The following DLG2 variants were observed in gnomAD, a reference collection of about 807,000 sequenced individuals.
DLG2 encodes the protein disks large homolog 2.
Under a neutral mutation model 132.5 loss-of-function variants are expected in DLG2, and 45 were observed. That is an observed-to-expected ratio of 0.34 (90% CI 0.27 to 0.44). The LOEUF (loss-of-function observed/expected upper bound fraction) is 0.44. DLG2 is among the 20% of genes least tolerant of loss of function. The probability of loss-of-function intolerance (pLI) is 1.00; values close to 1 mark genes in which losing one functional copy is unlikely to be tolerated. For missense variants in DLG2, 1,045 were observed against 1,196.9 expected (o/e 0.87, Z 1.87); for synonymous variants, 424 against 419.6 (o/e 1.01, Z -0.13).
At chr11:85,496,295 C>A (rs1347404450) in intron 3 of DLG2, among the ~76,000 whole-genome samples, 4 of 152,228 alleles carry the variant, frequency 2.6e-5, no homozygotes, top group South Asian at 2.1e-4. Flanking sequence ...GCATTGCTCA[C>A]TGCTAGTGCA....
intron 5 of DLG2, among the ~76,000 whole-genome samples, chr11:85,129,343 G>A (rs947561816): frequency 2.0e-5 from 3 of 152,150 alleles, no homozygotes; most frequent in African/African-American, 7.2e-5. Flanking sequence ...AACTAGACTG[G>A]AGCTCTTAAG....
intron 11 of DLG2, among the ~76,000 whole-genome samples, chr11:84,047,687 T>C (rs1251991559): frequency 1.3e-5 from 2 of 151,654 alleles, no homozygotes; most frequent in African/African-American, 2.4e-5. Context: ...AAAAATTTGT[T>C]CAAGGAGCCA....
intron 3 of DLG2, among the ~76,000 whole-genome samples, chr11:85,468,800 T>C (rs2092890731): frequency 6.6e-6 from 1 of 152,174 alleles, no homozygotes; most frequent in Non-Finnish European, 1.5e-5. Flanking sequence ...TGATTTGGGG[T>C]GCAGAGTTCT....
At chr11:84,298,616 C>T (rs988635525) in intron 7 of DLG2, among the ~76,000 whole-genome samples, 1 of 152,204 alleles carries the variant, frequency 6.6e-6, no homozygotes, top group African/African-American at 2.4e-5. Context: ...ATAGTTGAAA[C>T]AGACCTGTAA....
chr11:84,022,028 T>G (rs1380395360), intron 11 of DLG2, among the ~76,000 whole-genome samples: 1 of 152,100 alleles, frequency 6.6e-6, no homozygotes, highest in Non-Finnish European at 1.5e-5. Context: ...ATTACAGGTG[T>G]GAGTCACCCC....
chr11:84,502,806 G>A (rs2099225105), intron 7 of DLG2, among the ~76,000 whole-genome samples: 1 of 152,002 alleles, frequency 6.6e-6, no homozygotes, highest in Non-Finnish European at 1.5e-5. Flanking sequence ...TTTTAAAATG[G>A]AAGGCATAGA....
chr11:84,715,901 A>G (rs1414282822), intron 6 of DLG2, among the ~76,000 whole-genome samples: 3 of 152,054 alleles, frequency 2.0e-5, no homozygotes, highest in African/African-American at 7.2e-5. Context: ...GTGAGATGCT[A>G]ATTTCGTTTC....
intron 7 of DLG2, among the ~76,000 whole-genome samples, chr11:84,428,460 A>G (rs995404564): frequency 6.6e-6 from 1 of 152,236 alleles, no homozygotes; most frequent in Non-Finnish European, 1.5e-5. Flanking sequence ...AATTTATTTT[A>G]TCACAGTTCT....
intron 6 of DLG2, among the ~76,000 whole-genome samples, chr11:85,077,363 T>G (rs1053700753): frequency 1.3e-5 from 2 of 151,960 alleles, no homozygotes; most frequent in African/African-American, 4.8e-5. Context: ...GAGGCCCACA[T>G]AGGAACTAAA....
At position 83,900,337 on chromosome 11, in the gene DLG2, T is replaced by C. The variant is rs189306649; in HGVS notation, c.1497-25849A>G. Among the ~76,000 whole-genome samples, 40 of 152,290 alleles carry C rather than the reference T, an allele frequency of 2.6e-4. No individual in the cohort carries two copies. In the East Asian group the frequency reaches 4.3e-3, roughly 16 times the overall value. ...TGTGCATAAGTAATGAGGAGCTGAATGTTAATCCCTAAGAAAATGGGGGAA... is the reference window on the plus strand; with the variant it reads ...TGTGCATAAGTAATGAGGAGCTGAACGTTAATCCCTAAGAAAATGGGGGAA... On this transcript the variant is annotated intron_variant, in intron 15 of 27. Coordinates refer to ENST00000376104, the MANE Select transcript of DLG2 (RefSeq NM_001142699.3).
At chr11:83,696,339 C>G (rs1824531332) in intron 18 of DLG2, among the ~76,000 whole-genome samples, 1 of 152,172 alleles carries the variant, frequency 6.6e-6, no homozygotes, top group African/African-American at 2.4e-5. Flanking sequence ...ATAAGCTCTT[C>G]CTTTTCTGGA....
At chr11:83,943,847 C>T (rs2083215386) in intron 14 of DLG2, among the ~76,000 whole-genome samples, 1 of 152,222 alleles carries the variant, frequency 6.6e-6, no homozygotes, top group South Asian at 2.1e-4. Context: ...AAATACTGTT[C>T]TTCCACCTAT....
chr11:85,332,507 T>A (rs1311155672), intron 3 of DLG2, among the ~76,000 whole-genome samples: 2 of 152,214 alleles, frequency 1.3e-5, no homozygotes, highest in Admixed American at 1.3e-4. Flanking sequence ...GGAATTGTTT[T>A]TGGAGACTTC....
At chr11:85,128,430 G>A (rs1384034269) in intron 5 of DLG2, among the ~76,000 whole-genome samples, 2 of 152,128 alleles carry the variant, frequency 1.3e-5, no homozygotes, top group Non-Finnish European at 2.9e-5. Context: ...GACAATGGTG[G>A]CCAAATGCCT....
intron 6 of DLG2, among the ~76,000 whole-genome samples, chr11:84,901,792 A>T (rs1020814298): frequency 6.6e-6 from 1 of 152,066 alleles, no homozygotes; most frequent in Non-Finnish European, 1.5e-5. Context: ...ATCAACAATT[A>T]TCAAAAGTAG....
chr11:84,357,855 T>C (rs191161408), intron 7 of DLG2, among the ~76,000 whole-genome samples: 48 of 152,100 alleles, frequency 3.2e-4, no homozygotes, highest in Admixed American at 7.2e-4. Flanking sequence ...AAATGAAACA[T>C]GTAGTAGGTA....
intron 19 of DLG2, among the ~76,000 whole-genome samples, chr11:83,565,929 T>C (rs556183577): frequency 2.6e-5 from 4 of 152,330 alleles, no homozygotes; most frequent in African/African-American, 7.2e-5. Context: ...CTGTATGCCA[T>C]ATTGCAGGCC....
intron 11 of DLG2, among the ~76,000 whole-genome samples, chr11:84,033,799 G>A (rs541166061): frequency 6.6e-6 from 1 of 152,258 alleles, no homozygotes; most frequent in Non-Finnish European, 1.5e-5. Context: ...AGCACTTTGC[G>A]AGGCCCAGAT....
chr11:84,908,332 C>A (rs2091744647), intron 6 of DLG2, among the ~76,000 whole-genome samples: 1 of 152,024 alleles, frequency 6.6e-6, no homozygotes, highest in African/African-American at 2.4e-5. Context: ...CATACTAAAT[C>A]TTCAAAATTC....
Sources: gnomAD v4.1 joint callset for allele counts (sites outside exome capture counted in the v4.1 genomes callset) on GRCh38, gnomAD v4.1.1 for gene constraint, MANE v1.5 for transcripts, NCBI Gene and HGNC (gene_info 2026-07-23, HGNC 2026-07-21) for gene names.